UNC13C: variants seen among roughly 807,000 people sequenced by gnomAD.
UNC13C encodes unc-13 homolog C.
Under a neutral mutation model 245.4 loss-of-function variants are expected in UNC13C, and 174 were observed. The ratio of observed to expected loss-of-function variants is 0.71; its 90% confidence interval spans 0.63 to 0.80. UNC13C has a LOEUF of 0.80. Among genes scored for constraint, UNC13C ranks in the 30% least tolerant of loss-of-function variants. The pLI, the probability that UNC13C is intolerant of heterozygous loss-of-function variation, is 0.00. For missense variants in UNC13C, 2,829 were observed against 2,602.9 expected (o/e 1.09, Z -1.89); for synonymous variants, 992 against 895.1 (o/e 1.11, Z -1.93).
rs1439183824 is a variant in UNC13C, at chr15:54,014,501, C to T, written c.1598C>T (p.Pro533Leu). Residue 533 changes from proline to leucine, a missense_variant, in exon 2 of 33, where the codon CCT (proline) becomes CTT (leucine). Pro to Leu is a moderately conservative substitution (Grantham distance 98). Coordinates refer to ENST00000260323, the MANE Select transcript of UNC13C (RefSeq NM_001080534.3). ...ACAACCCATTATGCAGATGCAACAC[C>T]TCTCTGGCACTCACAGAGTGATTTT... ...QTTTHYADATPLWHSQSDFFT... is the reference protein window; with the variant it reads ...QTTTHYADATLLWHSQSDFFT... The T allele has an allele frequency of 2.5e-6, 4 of 1,613,668 alleles. No homozygotes were observed. The highest frequency in any genetic ancestry group is 1.1e-5 in the South Asian group (1 of 91,072).
At chr15:54,624,068 T>C in intron 32 of UNC13C, 114 bp downstream of exon 32, 7 of 1,320,636 alleles carry the variant, frequency 5.3e-6, no homozygotes, top group Non-Finnish European at 6.3e-6. Flanking sequence ...GCTCTGTTTT[T>C]AGTTCCCTTC....
chr15:53,890,804 A>G, the UNC13C span, among the ~76,000 whole-genome samples: 5 of 151,510 alleles, frequency 3.3e-5, no homozygotes. Flanking sequence ...TTGACCTTTT[A>G]AAAAAACCAG....
the UNC13C span, among the ~76,000 whole-genome samples, chr15:53,874,164 C>T: frequency 6.6e-6 from 1 of 151,932 alleles, no homozygotes; most frequent in South Asian, 2.1e-4. Flanking sequence ...TTTGTGGAGA[C>T]AGGGTTTTGC....
chr15:53,925,382 T>C, the UNC13C span, among the ~76,000 whole-genome samples: 1 of 152,126 alleles, frequency 6.6e-6, no homozygotes, highest in East Asian at 1.9e-4. Context: ...CCCCAAAGGG[T>C]CTGTGTTTGG....
chr15:54,220,198 A>C (rs60725993), intron 4 of UNC13C, among the ~76,000 whole-genome samples: 2 of 151,328 alleles, frequency 1.3e-5, no homozygotes, highest in African/African-American at 2.4e-5. Flanking sequence ...AACCAACCCA[A>C]ATGTCTAACA....
the UNC13C span, among the ~76,000 whole-genome samples, chr15:53,916,691 T>G: frequency 6.6e-6 from 1 of 152,228 alleles, no homozygotes; most frequent in Non-Finnish European, 1.5e-5. Flanking sequence ...TCAGAAATAC[T>G]GAATCCCAGT....
At chr15:53,978,170 A>T (rs1441666294), upstream of UNC13C, among the ~76,000 whole-genome samples, 2 of 152,240 alleles carry the variant, frequency 1.3e-5, no homozygotes, top group Non-Finnish European at 2.9e-5. Context: ...ATTGGCCATG[A>T]CTGTCTCCTA....
chr15:54,403,469 C>G (rs549962503), intron 18 of UNC13C, among the ~76,000 whole-genome samples: 2 of 151,944 alleles, frequency 1.3e-5, no homozygotes, highest in Non-Finnish European at 2.9e-5. Flanking sequence ...CGCATGTAAT[C>G]CCAGCACTTT....
At chr15:54,581,491 G>A (rs1211596160) in intron 30 of UNC13C, among the ~76,000 whole-genome samples, 2 of 152,240 alleles carry the variant, frequency 1.3e-5, no homozygotes, top group African/African-American at 2.4e-5. Context: ...CTTGCAGACA[G>A]CCTTCTACTT....
At chr15:53,888,654 GT>G in the UNC13C span, among the ~76,000 whole-genome samples, 2 of 152,110 alleles carry the variant, frequency 1.3e-5, no homozygotes, top group Admixed American at 6.5e-5. Flanking sequence ...CATTGCCTAT[GT>G]TTTCTTCTGT....
At chr15:54,410,393 A>AT (rs1485000813) in intron 18 of UNC13C, among the ~76,000 whole-genome samples, 2 of 149,450 alleles carry the variant, frequency 1.3e-5, no homozygotes, top group African/African-American at 4.9e-5. Flanking sequence ...CCACTTGTCA[A>AT]TTTTTCTTTT....
intron 13 of UNC13C, among the ~76,000 whole-genome samples, chr15:54,301,531 A>C (rs911759892): frequency 2.6e-5 from 4 of 152,146 alleles, no homozygotes; most frequent in South Asian, 2.1e-4. Flanking sequence ...GAGTGAGAAC[A>C]TGCAGTGTTT....
intron 19 of UNC13C, among the ~76,000 whole-genome samples, chr15:54,478,033 C>T (rs910195783): frequency 2.0e-5 from 3 of 151,430 alleles, no homozygotes; most frequent in African/African-American, 7.3e-5. Flanking sequence ...CTGGTTTAGT[C>T]TTGGGAGAGT....
chr15:54,104,540 G>C (rs1432995480), intron 2 of UNC13C, among the ~76,000 whole-genome samples: 1 of 151,576 alleles, frequency 6.6e-6, no homozygotes, highest in Non-Finnish European at 1.5e-5. Flanking sequence ...GTGATTTTCT[G>C]AACTCCTTTT....
the UNC13C span, among the ~76,000 whole-genome samples, chr15:53,970,791 T>C: frequency 5.2e-4 from 79 of 152,270 alleles, no homozygotes; most frequent in African/African-American, 1.9e-3. Context: ...TGTTGACCTA[T>C]ATAATAAACC....
chr15:54,483,495 T>G (rs1276983394), intron 19 of UNC13C, among the ~76,000 whole-genome samples: 1 of 152,154 alleles, frequency 6.6e-6, no homozygotes, highest in Non-Finnish European at 1.5e-5. Context: ...TGTTTTCTTT[T>G]CTTTTCTTTT....
chr15:54,511,692 C>T lies in UNC13C; in HGVS notation c.5380-61C>T, dbSNP rs539164603. ...TATTTTCCACCACTTATAAGTTAAACTCATTCAATAATTTTATATAAAAAG... is the reference window on the plus strand; with the variant it reads ...TATTTTCCACCACTTATAAGTTAAATTCATTCAATAATTTTATATAAAAAG... On this transcript the variant is annotated intron_variant, in intron 23 of 32. Transcript: ENST00000260323. The T allele has an allele frequency of 2.1e-4, 257 of 1,199,148 alleles. No homozygotes were observed. In the African/African-American group the frequency reaches 3.4e-3, roughly 16 times the overall value. 74.3% of individuals were successfully genotyped at this position (1,199,148 alleles called of 1,614,324 possible). A position where few individuals can be genotyped will look rare whatever the true frequency, so the allele number is the denominator to read the frequency against.
chr15:54,497,135 G>A (rs28555603), intron 20 of UNC13C, among the ~76,000 whole-genome samples: 2,459 of 152,050 alleles, frequency 0.016, 58 homozygotes, highest in African/African-American at 0.054. Flanking sequence ...GACACTCTAC[G>A]CTAAACTAAA....
At position 54,073,403 on chromosome 15, in the gene UNC13C, G is replaced by C. The variant is rs1416208360; in HGVS notation, c.2983+57517G>C. 3.3e-5 allele frequency among the ~76,000 whole-genome samples: 5 copies of C among 152,118 alleles called. No homozygotes were observed. In the East Asian group the frequency reaches 9.6e-4, roughly 29 times the overall value. ...ATCCTTTGGTTATATACCCAGTAAT[G>C]GGATTGCTGGGTCCAATGGTATTTC... On this transcript the variant is annotated intron_variant, in intron 2 of 32. Transcript: ENST00000260323.
Sources: gnomAD v4.1 joint callset for allele counts (sites outside exome capture counted in the v4.1 genomes callset) on GRCh38, gnomAD v4.1.1 for gene constraint, MANE v1.5 for transcripts, NCBI Gene and HGNC (gene_info 2026-07-23, HGNC 2026-07-21) for gene names.